SNX8: variants seen among roughly 807,000 people sequenced by gnomAD.
The protein encoded by SNX8 is sorting nexin 8, also known as sorting nexin-8.
SNX8 carries 25 observed loss-of-function variants against 51.6 expected under a neutral mutation model. The observed-to-expected ratio is 0.48, with a 90% CI of 0.35 to 0.68. SNX8 has a LOEUF of 0.68. Among genes scored for constraint, SNX8 ranks in the 30% least tolerant of loss-of-function variants. SNX8 has a pLI of 0.00. For missense variants in SNX8, 695 were observed against 624.0 expected, an observed-to-expected ratio of 1.11 and a Z score of -1.21; for synonymous variants, 324 against 277.0, an observed-to-expected ratio of 1.17 and a Z score of -1.68.
intron 1 of SNX8, among the ~76,000 whole-genome samples, chr7:2,353,799 G>C (rs979191558): frequency 7.2e-5 from 11 of 152,022 alleles, no homozygotes; most frequent in Non-Finnish European, 1.2e-4. Flanking sequence ...CGTGCGGGGG[G>C]TGGTGGTGCT....
intron 5 of SNX8, among the ~76,000 whole-genome samples, chr7:2,266,727 G>T (rs1449261866): frequency 6.6e-6 from 1 of 151,458 alleles, no homozygotes; most frequent in African/African-American, 2.4e-5. Flanking sequence ...TGCTATGTTG[G>T]CCAGGCTGGT....
At chr7:2,335,206 A>G (rs1346005027) in intron 1 of SNX8, among the ~76,000 whole-genome samples, 1 of 120,002 alleles carries the variant, frequency 8.3e-6, no homozygotes, top group African/African-American at 2.5e-5. Context: ...AAAAGAAAAA[A>G]GAAAAAAAAA....
intron 1 of SNX8, among the ~76,000 whole-genome samples, chr7:2,329,125 G>C (rs1187225240): frequency 2.7e-5 from 4 of 147,920 alleles, no homozygotes; most frequent in Non-Finnish European, 5.9e-5. Flanking sequence ...CAAAAAATTA[G>C]CCAGGTGTGG....
chr7:2,282,835 G>A (rs1327354741), intron 1 of SNX8, among the ~76,000 whole-genome samples: 2 of 152,090 alleles, frequency 1.3e-5, no homozygotes, highest in Non-Finnish European at 2.9e-5. Context: ...AAATTAGCTG[G>A]GCATGGCCAG....
At chr7:2,264,221 T>C in intron 6 of SNX8, 77 bp downstream of exon 6, 3 of 1,442,584 alleles carry the variant, frequency 2.1e-6, no homozygotes, top group Non-Finnish European at 2.8e-6. Flanking sequence ...GTAAACGCAC[T>C]TTCCGCCCAA....
chr7:2,268,534 A>T (rs1232659365), intron 5 of SNX8, among the ~76,000 whole-genome samples: 1 of 132,804 alleles, frequency 7.5e-6, no homozygotes, highest in Non-Finnish European at 1.6e-5. Flanking sequence ...CAGCCGTGCC[A>T]TCCGGGAGGG....
intron 1 of SNX8, among the ~76,000 whole-genome samples, chr7:2,310,757 T>TG (rs35378999): frequency 0.28 from 42,839 of 151,312 alleles, 6,194 homozygotes; most frequent in Middle Eastern, 0.46. Flanking sequence ...GGCAAAAGAG[T>TG]GAAACTACGT....
rs1795384422 is a variant in SNX8 at position 2,263,351 on chromosome 7, G to C, written c.794C>G (p.Ser265Cys). Reference protein sequence around the residue: ...IFGKELSAIGSDTTPLPSWAA... With the variant: ...IFGKELSAIGCDTTPLPSWAA... ...CCAGGAGGGCAGCGGGGTCGTGTCA[G>C]ACCCTATTGCACTGAGGGAGCAAGC... The change falls in exon 7 of 11, where the codon TCT becomes TGT. Residue 265 changes from serine (S) to cysteine (C), a missense_variant. By Grantham distance (112) the Ser-to-Cys change is moderately radical. Coordinates refer to ENST00000222990, the MANE Select transcript of SNX8 (RefSeq NM_013321.4). 3.7e-6 allele frequency: 6 copies of C among 1,603,316 alleles called. No individual in the cohort carries two copies. Among genetic ancestry groups the C allele is most frequent in the Non-Finnish European group, 5.1e-6 (6 of 1,175,074 alleles).
At chr7:2,261,500 G>A (rs1362983032) in intron 7 of SNX8, among the ~76,000 whole-genome samples, 1 of 152,212 alleles carries the variant, frequency 6.6e-6, no homozygotes, top group Non-Finnish European at 1.5e-5. Context: ...TTTAATTGAT[G>A]GGGAAACTGA....
At chr7:2,319,734 G>A (rs1263104855) in intron 1 of SNX8, among the ~76,000 whole-genome samples, 3 of 150,440 alleles carry the variant, frequency 2.0e-5, no homozygotes, top group African/African-American at 7.3e-5. Flanking sequence ...AGAATGGTGC[G>A]AACCTGGGAG....
intron 1 of SNX8, among the ~76,000 whole-genome samples, chr7:2,340,676 G>A (rs1418069556): frequency 6.6e-6 from 1 of 150,764 alleles, no homozygotes; most frequent in Non-Finnish European, 1.5e-5. Flanking sequence ...GGCCAATATA[G>A]TGAAACCCCA....
intron 1 of SNX8, among the ~76,000 whole-genome samples, chr7:2,285,144 A>G (rs34888683): frequency 0.012 from 1,823 of 151,000 alleles, 44 homozygotes; most frequent in African/African-American, 0.042. Context: ...CCCGGGAGGC[A>G]GAAGTTGCAG....
intron 1 of SNX8, among the ~76,000 whole-genome samples, chr7:2,304,393 A>C (rs1454267270): frequency 6.7e-6 from 1 of 149,838 alleles, no homozygotes; most frequent in East Asian, 2.0e-4. Context: ...AAATACAAAA[A>C]ATTAGCCAGG....
intron 1 of SNX8, among the ~76,000 whole-genome samples, chr7:2,340,684 C>G (rs1778905327): frequency 6.7e-6 from 1 of 150,098 alleles, no homozygotes; most frequent in East Asian, 2.0e-4. Flanking sequence ...TAGTGAAACC[C>G]CATCTCTGCT....
rs1276348627 is a variant in SNX8 at position 2,253,005 on chromosome 7, CCCTGCCCTCCTGCTCCCCCAACT to C, written c.*2028_*2050del. On this transcript the variant is annotated 3_prime_UTR_variant, in exon 11 of 11. Coordinates refer to ENST00000222990, the MANE Select transcript of SNX8 (RefSeq NM_013321.4). ...ACCCCTGTTCTCCTGTTCTCCTGAC[CCCTGCCCTCCTGCTCCCCCAACT>C]CCTGCCCTCCTGCTCCCTCCTCACC... The C allele has an allele frequency of 1.4e-5, 2 of 144,128 alleles. No homozygotes were observed. Among genetic ancestry groups the C allele is most frequent in the Non-Finnish European group, 3.0e-5 (2 of 66,752 alleles). The allele number at this position is 144,128 out of a possible 1,614,324, so 8.9% of individuals were successfully genotyped here.
chr7:2,258,993 C>T (rs1383304305), intron 7 of SNX8, among the ~76,000 whole-genome samples: 1 of 152,130 alleles, frequency 6.6e-6, no homozygotes, highest in Non-Finnish European at 1.5e-5. Context: ...TCGGCCTCCC[C>T]GGCTTACACC....
intron 1 of SNX8, among the ~76,000 whole-genome samples, chr7:2,341,267 G>C (rs1275252956): frequency 2.0e-5 from 3 of 152,058 alleles, no homozygotes; most frequent in African/African-American, 4.8e-5. Context: ...ATGAGGCTGA[G>C]GCAGGAGGAT....
intron 1 of SNX8, among the ~76,000 whole-genome samples, chr7:2,301,334 T>C (rs571105122): frequency 1.4e-4 from 22 of 152,322 alleles, no homozygotes; most frequent in African/African-American, 4.8e-4. Flanking sequence ...CGTGTGCTCA[T>C]GGGCATATGA....
Position 2,257,774 on chromosome 7 carries a change from C to T in SNX8, c.945G>A (p.Glu315=), listed in dbSNP as rs758640543. The T allele has an allele frequency of 1.7e-5, 28 of 1,613,964 alleles. No homozygotes were observed. Among genetic ancestry groups the T allele is most frequent in the South Asian group, 6.6e-5 (6 of 91,096 alleles). ...GCAGATCCAAGAAGAGGTTCAGCTT[C>T]TCCACCACGTCGTTCTCTTCCTGCT... The part of the protein sequence containing the change: ...QGKQEENDVV[E]KLNLFLDLLQ... The change falls in exon 8 of 11, where the codon GAG becomes GAA. Residue 315 remains glutamate, a synonymous_variant. Transcript: ENST00000222990.
Sources: gnomAD v4.1 joint callset for allele counts (sites outside exome capture counted in the v4.1 genomes callset) on GRCh38, gnomAD v4.1.1 for gene constraint, MANE v1.5 for transcripts, NCBI Gene and HGNC (gene_info 2026-07-23, HGNC 2026-07-21) for gene names.